The following ATP1B2 variants were observed in gnomAD, a reference collection of about 807,000 sequenced individuals.
ATP1B2 encodes the protein ATPase Na+/K+ transporting subunit beta 2.
In ATP1B2, 12 loss-of-function variants were observed where a neutral mutation model predicts 37.3. The ratio of observed to expected loss-of-function variants is 0.32; its 90% CI spans 0.21 to 0.52. The LOEUF (loss-of-function observed/expected upper bound fraction) is 0.52, where lower values mean the gene tolerates loss of function less well. Ranked by LOEUF, ATP1B2 falls within the 20% of genes least tolerant of loss-of-function variation. The probability of loss-of-function intolerance (pLI) is 0.96; values close to 1 mark genes in which losing one functional copy is unlikely to be tolerated. For synonymous variants in ATP1B2, 139 were observed against 140.5 expected, an observed-to-expected ratio of 0.99 and a Z score of 0.07; for missense variants, 324 against 391.6, an observed-to-expected ratio of 0.83 and a Z score of 1.46.
rs1373701313 is a variant in ATP1B2, at chr17:7,655,660, T to C, written c.708+35T>C. ...AGGGGAGGCCCAGGCTGATGGCGGGTGCGGGTGGTGAGCTAGGGAAGGAGG... is the reference window on the plus strand; with the variant it reads ...AGGGGAGGCCCAGGCTGATGGCGGGCGCGGGTGGTGAGCTAGGGAAGGAGG... On this transcript the variant is annotated intron_variant, in intron 6 of 6. Coordinates refer to ENST00000250111, the MANE Select transcript of ATP1B2 (RefSeq NM_001678.5). The surrounding 1 kb of genome is among the most constrained non-coding windows in gnomAD (Gnocchi z 4.4). The C allele has an allele frequency of 3.7e-6, 6 of 1,613,562 alleles. No homozygotes were observed. Among genetic ancestry groups the C allele is most frequent in the Non-Finnish European group, 5.1e-6 (6 of 1,179,864 alleles).
Position 7,653,485 on chromosome 17 carries a change from A to G in ATP1B2, c.224A>G (p.Asp75Gly), listed in dbSNP as rs922333387. ...TCCGACCATACCCCCAAGTACCAGG[A>G]CCGACTGGCCACACCGGGTGAGTGT... ...TVSDHTPKYQ[D>G]RLATPGLMIR... Residue 75 changes from aspartate (D) to glycine (G), a missense_variant, in exon 2 of 7, where the codon GAC becomes GGC. Asp to Gly is a moderately conservative substitution (Grantham distance 94). Transcript: ENST00000250111. The G allele has an allele frequency of 6.2e-7, 1 of 1,613,908 alleles. No homozygotes were observed. The highest frequency in any genetic ancestry group is 8.5e-7 in the Non-Finnish European group (1 of 1,180,004).
At position 7,656,284 on chromosome 17, in the gene ATP1B2, G is replaced by C. The variant is rs1355846802; in HGVS notation, c.*389G>C. ...CCCCCCGCCACACACACACACAAAC[G>C]TGCACACGCGTCTCATTTGACCCCT... On this transcript the variant is annotated 3_prime_UTR_variant, in exon 7 of 7. Coordinates refer to ENST00000250111, the MANE Select transcript of ATP1B2 (RefSeq NM_001678.5). 5.0e-6 allele frequency: 1 copy of C among 200,574 alleles called. No homozygotes were observed. Among genetic ancestry groups the C allele is most frequent in the Non-Finnish European group, 9.0e-6 (1 of 110,752 alleles). The allele number at this position is 200,574 out of a possible 1,614,324, so 12.4% of individuals were successfully genotyped here.
upstream of ATP1B2, among the ~76,000 whole-genome samples, chr17:7,649,759 T>C (rs2072597917): frequency 2.0e-5 from 3 of 151,732 alleles, no homozygotes; most frequent in Non-Finnish European, 4.4e-5. Context: ...GGGGTTTCAC[T>C]GTGTTATCCA....
At chr17:7,647,297 T>C (rs901015349), upstream of ATP1B2, among the ~76,000 whole-genome samples, 2 of 152,052 alleles carry the variant, frequency 1.3e-5, no homozygotes, top group African/African-American at 2.4e-5. Flanking sequence ...AACAATGACA[T>C]AGAAGGAAAG....
Position 7,654,484 on chromosome 17 carries a change from G to T in ATP1B2, c.553-144G>T. On this transcript the variant is annotated intron_variant, in intron 4 of 6. Transcript: ENST00000250111. This position sits in a 1 kb window ranked among gnomAD's most constrained non-coding sequence, Gnocchi z 4.9. ...AGGGTCTTGCTATGTTGCCCAGGCT[G>T]GCCTTGAACTCCTGGAATTAAGCTA... is the stretch of plus-strand genomic sequence containing the variant. 1 of 1,012,506 alleles carries T rather than the reference G, an allele frequency of 9.9e-7. No individual in the cohort carries two copies. The highest frequency in any genetic ancestry group is 1.5e-6 in the Non-Finnish European group (1 of 660,450). 62.7% of individuals were successfully genotyped at this position (1,012,506 alleles called of 1,614,324 possible). A position where few individuals can be genotyped will look rare whatever the true frequency, so the allele number is the denominator to read the frequency against.
chr17:7,651,962 G>A (rs905818811), intron 1 of ATP1B2, among the ~76,000 whole-genome samples: 1 of 152,116 alleles, frequency 6.6e-6, no homozygotes, highest in Non-Finnish European at 1.5e-5. Context: ...CCTCCAAAGA[G>A]CGCCCCTTCC....
rs1480207241 is a variant in ATP1B2, at chr17:7,655,406, A to G, written c.610-121A>G. On this transcript the variant is annotated intron_variant, in intron 5 of 6. Transcript: ENST00000250111. This position sits in a 1 kb window ranked among gnomAD's most constrained non-coding sequence, Gnocchi z 4.4. ...CACAGACTCACAGCTCCAGGGAGGC[A>G]GACTTGAGACAGGAATAATTGGGGC... 2 of 914,940 alleles carry G rather than the reference A, an allele frequency of 2.2e-6. No individual in the cohort carries two copies. Among genetic ancestry groups the G allele is most frequent in the East Asian group, 2.6e-5 (1 of 39,102 alleles). The allele number at this position is 914,940 out of a possible 1,614,324, so 56.7% of individuals were successfully genotyped here. A position where few individuals can be genotyped will look rare whatever the true frequency, so the allele number is the denominator to read the frequency against.
upstream of ATP1B2, among the ~76,000 whole-genome samples, chr17:7,648,603 A>T (rs983509521): frequency 2.2e-3 from 304 of 139,968 alleles, 3 homozygotes; most frequent in African/African-American, 7.5e-3. Flanking sequence ...AAAAAAGTTT[A>T]TATTTTAGTG....
chr17:7,653,876 G>A lies in ATP1B2; in HGVS notation c.277G>A (p.Val93Ile). The part of the protein sequence containing the change: ...MIRPKTENLD[V>I]IVNVSDTESW... Reference sequence around the variant, plus strand: ...TCGCCCCAAGACTGAGAACCTTGATGTCATTGTCAATGTCAGTGACACTGA... The same window carrying A: ...TCGCCCCAAGACTGAGAACCTTGATATCATTGTCAATGTCAGTGACACTGA... Residue 93 changes from valine to isoleucine, a missense_variant, in exon 3 of 7, where the codon GTC becomes ATC. Coordinates refer to ENST00000250111, the MANE Select transcript of ATP1B2 (RefSeq NM_001678.5). 6.2e-7 allele frequency: 1 copy of A among 1,614,148 alleles called. No individual in the cohort carries two copies. The highest frequency in any genetic ancestry group is 8.5e-7 in the Non-Finnish European group (1 of 1,180,034).
chr17:7,647,363 G>C (rs993722613), upstream of ATP1B2, among the ~76,000 whole-genome samples: 1 of 152,138 alleles, frequency 6.6e-6, no homozygotes, highest in Non-Finnish European at 1.5e-5. Flanking sequence ...TTCCTTATCA[G>C]GAAGCTGAAG....
chr17:7,655,812 A>T lies in ATP1B2; in HGVS notation c.790A>T (p.Asn264Tyr). 1 of 1,614,108 alleles carries T rather than the reference A, an allele frequency of 6.2e-7. No individual in the cohort carries two copies. The highest frequency in any genetic ancestry group is 8.5e-7 in the Non-Finnish European group (1 of 1,180,032). The stretch of plus-strand genomic sequence containing the variant: ...GGAGGTGAATGTAGAATGTCGCATC[A>T]ACGCCGCCAACATCGCCACAGACGA... ...NVEVNVECRI[N>Y]AANIATDDER... The change falls in exon 7 of 7, where the codon AAC (asparagine) becomes TAC (tyrosine). Residue 264 changes from asparagine to tyrosine, a missense_variant. By Grantham distance (143) the Asn-to-Tyr change is moderately radical (BLOSUM62 -2). Transcript: ENST00000250111. The surrounding 1 kb of genome is among the most constrained non-coding windows in gnomAD (Gnocchi z 4.4).
upstream of ATP1B2, among the ~76,000 whole-genome samples, chr17:7,650,460 C>T (rs567875167): frequency 1.3e-5 from 2 of 152,188 alleles, no homozygotes; most frequent in South Asian, 4.2e-4. Flanking sequence ...GTCCTAGCTT[C>T]CCTCCTGGCT....
upstream of ATP1B2, among the ~76,000 whole-genome samples, chr17:7,648,404 C>T (rs1431305370): frequency 3.3e-5 from 5 of 151,798 alleles, no homozygotes; most frequent in Non-Finnish European, 7.4e-5. Context: ...ATGGTGAAAT[C>T]CCATCTCTAC....
rs564729945 is a variant in ATP1B2, at chr17:7,655,472, C to T, written c.610-55C>T. 2 of 1,549,032 alleles carry T rather than the reference C, an allele frequency of 1.3e-6. No homozygotes were observed. The highest frequency in any genetic ancestry group is 2.2e-5 in the South Asian group (2 of 89,516). ...GAACAAATGGAAGTCTGGTGAGCTCCTGGGTGCCTGCCATCCCTAACTGGC... is the reference window on the plus strand; with the variant it reads ...GAACAAATGGAAGTCTGGTGAGCTCTTGGGTGCCTGCCATCCCTAACTGGC... On this transcript the variant is annotated intron_variant, in intron 5 of 6. Transcript: ENST00000250111. The surrounding 1 kb of genome is among the most constrained non-coding windows in gnomAD (Gnocchi z 4.4).
chr17:7,647,215 A>G (rs938750154), upstream of ATP1B2, among the ~76,000 whole-genome samples: 2 of 151,896 alleles, frequency 1.3e-5, no homozygotes, highest in African/African-American at 2.4e-5. Context: ...GCATTGTAGG[A>G]GGCATGGATG....
In ATP1B2 at chr17:7,654,394, G is replaced by T. The variant is rs2072635865; in HGVS notation, c.552+137G>T. ...TTGTGTAGCTGAGAGAAAAAGAGAG[G>T]TGGGACTCTTGGAGGCTAAGCTCTG... On this transcript the variant is annotated intron_variant, in intron 4 of 6. Coordinates refer to ENST00000250111, the MANE Select transcript of ATP1B2 (RefSeq NM_001678.5). This position sits in a 1 kb window ranked among gnomAD's most constrained non-coding sequence, Gnocchi z 4.9. 1.7e-6 allele frequency: 2 copies of T among 1,165,160 alleles called. No individual in the cohort carries two copies. Among genetic ancestry groups the T allele is most frequent in the Admixed American group, 2.0e-5 (1 of 48,926 alleles). 72.2% of individuals were successfully genotyped at this position (1,165,160 alleles called of 1,614,324 possible).
At chr17:7,647,485 C>T (rs1215373729), upstream of ATP1B2, among the ~76,000 whole-genome samples, 1 of 152,060 alleles carries the variant, frequency 6.6e-6, no homozygotes, top group African/African-American at 2.4e-5. Context: ...AACACAGAGA[C>T]CTCCATCTTT....
chr17:7,657,367 A>G lies in ATP1B2; in HGVS notation c.*1472A>G, dbSNP rs2072662105. The G allele has an allele frequency of 6.6e-6, 1 of 151,150 alleles. No individual in the cohort carries two copies. The highest frequency in any genetic ancestry group is 1.5e-5 in the Non-Finnish European group (1 of 67,912). The allele number at this position is 151,150 out of a possible 1,614,324, so 9.4% of individuals were successfully genotyped here. ...GAATGTCTTGGCTCCATCTCTTCAG[A>G]CCCCTTTGCCTTTAAAAAAAAAACA... On this transcript the variant is annotated 3_prime_UTR_variant, in exon 7 of 7. Transcript: ENST00000250111.
At chr17:7,652,460 G>C (rs1342286002) in intron 1 of ATP1B2, among the ~76,000 whole-genome samples, 2 of 152,118 alleles carry the variant, frequency 1.3e-5, no homozygotes, top group African/African-American at 4.8e-5. Context: ...GACACTGTGT[G>C]ACACGATTTA....
Sources: gnomAD v4.1 joint callset for allele counts (sites outside exome capture counted in the v4.1 genomes callset) on GRCh38, gnomAD v4.1.1 for gene constraint, Gnocchi (gnomAD v3.1) non-coding constraint, MANE v1.5 for transcripts, NCBI Gene and HGNC (gene_info 2026-07-23, HGNC 2026-07-21) for gene names.